The following MYO5C variants were observed in gnomAD, a reference collection of about 807,000 sequenced individuals.
MYO5C encodes the protein myosin VC, also known as unconventional myosin-Vc.
A neutral mutation model predicts 235.7 loss-of-function variants in MYO5C; 194 were observed. The observed-to-expected ratio is 0.82, with a 90% CI of 0.73 to 0.93. MYO5C has a LOEUF of 0.93. Among genes scored for constraint, MYO5C ranks in the 40% least tolerant of loss-of-function variants. MYO5C has a pLI of 0.00. For missense variants in MYO5C, 2,038 were observed against 2,127.2 expected (o/e 0.96, Z 0.82); for synonymous variants, 707 against 754.8 (o/e 0.94, Z 1.04).
At chr15:52,234,844 T>C (rs1400859053) in intron 23 of MYO5C, among the ~76,000 whole-genome samples, 1 of 152,148 alleles carries the variant, frequency 6.6e-6, no homozygotes, top group South Asian at 2.1e-4. Context: ...CCCCATCATA[T>C]CCACCATTTG....
intron 8 of MYO5C, 49 bp downstream of exon 8, chr15:52,269,704 T>G (rs761079879): frequency 3.7e-6 from 5 of 1,368,526 alleles, no homozygotes. Context: ...ATTTTTTTTT[T>G]TTTTTAAGAG....
chr15:52,221,788 T>G (rs191015477), intron 29 of MYO5C, among the ~76,000 whole-genome samples: 1 of 152,278 alleles, frequency 6.6e-6, no homozygotes, highest in East Asian at 1.9e-4. Context: ...TTTTTTTCCT[T>G]CCCCAAGTTT....
chr15:52,292,178 ATTTAC>A (rs1290663770), intron 1 of MYO5C, among the ~76,000 whole-genome samples: 1 of 152,148 alleles, frequency 6.6e-6, no homozygotes, highest in East Asian at 1.9e-4. Flanking sequence ...ATCTTCCATA[ATTTAC>A]TTAACTTTAC....
intron 4 of MYO5C, among the ~76,000 whole-genome samples, chr15:52,275,925 C>A (rs2037040016): frequency 1.3e-5 from 2 of 152,124 alleles, no homozygotes; most frequent in Admixed American, 1.3e-4. Flanking sequence ...TTTCATCCAA[C>A]CTTATTCAAA....
chr15:52,256,701 T>C lies in MYO5C; in HGVS notation c.1333A>G (p.Asn445Asp), dbSNP rs2036593871. ...TTGATGCAAAATTGTTCAAAGCTGT[T>C]CACATCAAAGGTTTCAAAACTGAAA... ...DIYGFETFDV[N>D]SFEQFCINYA... The change falls in exon 11 of 41, where the codon AAC becomes GAC. Residue 445 changes from asparagine to aspartate, a missense_variant. Asn to Asp is a conservative substitution (Grantham distance 23, BLOSUM62 1). Transcript: ENST00000261839. 1 of 1,613,258 alleles carries C rather than the reference T, an allele frequency of 6.2e-7. No homozygotes were observed. The highest frequency in any genetic ancestry group is 1.7e-5 in the Admixed American group (1 of 59,928).
At chr15:52,288,636 A>T (rs2037324998) in intron 1 of MYO5C, among the ~76,000 whole-genome samples, 2 of 152,220 alleles carry the variant, frequency 1.3e-5, no homozygotes, top group South Asian at 4.1e-4. Flanking sequence ...AAACTGGAGG[A>T]AGAGTTAACT....
intron 38 of MYO5C, among the ~76,000 whole-genome samples, chr15:52,197,105 T>G (rs2035070557): frequency 6.6e-6 from 1 of 152,158 alleles, no homozygotes; most frequent in Non-Finnish European, 1.5e-5. Context: ...GAATACAGAC[T>G]TACCATATGA....
At chr15:52,284,822 A>C (rs2037227511) in intron 1 of MYO5C, among the ~76,000 whole-genome samples, 1 of 143,702 alleles carries the variant, frequency 7.0e-6, no homozygotes, top group Non-Finnish European at 1.5e-5. Flanking sequence ...TCACTATAAA[A>C]TTCTTTTTCT....
At position 52,253,435 on chromosome 15, in the gene MYO5C, T is replaced by G; in HGVS notation, c.1418A>C (p.Glu473Ala). 6.2e-7 allele frequency: 1 copy of G among 1,613,124 alleles called. No individual in the cohort carries two copies. The highest frequency in any genetic ancestry group is 1.1e-5 in the South Asian group (1 of 90,820). ...AGGTATATCTTCCTTCATGTATTCT[T>G]CTTGTTCCAGTTTGAAGACATGCTG... ...FNMHVFKLEQ[E>A]EYMKEDIPWT... The change falls in exon 12 of 41, where the codon GAA becomes GCA. Residue 473 changes from glutamate (E) to alanine (A), a missense_variant. Coordinates refer to ENST00000261839, the MANE Select transcript of MYO5C (RefSeq NM_018728.4).
rs776537551 is a variant in MYO5C, at chr15:52,248,738, C to T, written c.1708G>A (p.Val570Ile). Reference sequence around the variant, plus strand: ...AGGATTTCAACCAGCATGTCATAGACGGTGTCTCTGTTTTTCTCCAGGAAA... The same window carrying T: ...AGGATTTCAACCAGCATGTCATAGATGGTGTCTCTGTTTTTCTCCAGGAAA... Reference protein sequence around the residue: ...EGFLEKNRDTVYDMLVEILRA... With the variant: ...EGFLEKNRDTIYDMLVEILRA... The change falls in exon 14 of 41, where the codon GTC (valine) becomes ATC (isoleucine). Residue 570 changes from valine to isoleucine, a missense_variant. Val to Ile is a conservative substitution (Grantham distance 29). Coordinates refer to ENST00000261839, the MANE Select transcript of MYO5C (RefSeq NM_018728.4). 4.3e-6 allele frequency: 7 copies of T among 1,614,136 alleles called. No individual in the cohort carries two copies. Among genetic ancestry groups the T allele is most frequent in the East Asian group, 2.2e-5 (1 of 44,884 alleles).
At position 52,192,360 on chromosome 15, in the gene MYO5C, T is replaced by C. The variant is rs2034944806; in HGVS notation, c.*1542A>G. The stretch of plus-strand genomic sequence containing the variant: ...TTTATTGATTAAAGTATTACAAAGT[T>C]CTACTTTTCATTTTTTCATGTACAA... On this transcript the variant is annotated 3_prime_UTR_variant, in exon 41 of 41. Transcript: ENST00000261839. 6.6e-6 allele frequency: 1 copy of C among 152,320 alleles called. No individual in the cohort carries two copies. The highest frequency in any genetic ancestry group is 2.4e-5 in the African/African-American group (1 of 41,580). 9.4% of individuals were successfully genotyped at this position (152,320 alleles called of 1,614,324 possible). A position where few individuals can be genotyped will look rare whatever the true frequency, so the allele number is the denominator to read the frequency against.
At chr15:52,283,891 T>C (rs1173894315) in intron 1 of MYO5C, among the ~76,000 whole-genome samples, 3 of 151,932 alleles carry the variant, frequency 2.0e-5, no homozygotes, top group African/African-American at 7.3e-5. Context: ...GTCAGGCTGG[T>C]CTCAAACTCC....
chr15:52,219,706 C>A, intron 31 of MYO5C, 53 bp downstream of exon 31: 1 of 1,416,028 alleles, frequency 7.1e-7, no homozygotes, highest in South Asian at 1.2e-5. Context: ...TCTACAGTTT[C>A]AGAAAAGCAT....
At chr15:52,226,623 A>G (rs974127202) in intron 25 of MYO5C, among the ~76,000 whole-genome samples, 11 of 152,210 alleles carry the variant, frequency 7.2e-5, no homozygotes, top group African/African-American at 2.2e-4. Context: ...TGAGGTAAGT[A>G]GAGTGATCTT....
chr15:52,240,834 C>A (rs186387708), intron 20 of MYO5C, among the ~76,000 whole-genome samples: 27 of 152,244 alleles, frequency 1.8e-4, no homozygotes, highest in Non-Finnish European at 3.4e-4. Context: ...TTTAAAGTAT[C>A]TTTGGACAAC....
chr15:52,272,788 G>C, intron 5 of MYO5C, 65 bp from the exon 6 acceptor site: 2 of 1,549,186 alleles, frequency 1.3e-6, no homozygotes, highest in East Asian at 4.5e-5. Context: ...AATTATTGGA[G>C]GGGTTTTTAG....
At chr15:52,282,714 C>T in intron 2 of MYO5C, 68 bp downstream of exon 2, 4 of 1,148,726 alleles carry the variant, frequency 3.5e-6, no homozygotes, top group Non-Finnish European at 4.0e-6. Flanking sequence ...CCACGTGCTC[C>T]CATCCTTACA....
At chr15:52,219,843 A>C (rs372715138) in intron 30 of MYO5C, 21 bp from the exon 31 acceptor site, 26 of 1,593,864 alleles carry the variant, frequency 1.6e-5, no homozygotes, top group Non-Finnish European at 2.2e-5. Flanking sequence ...AAGAACTGTC[A>C]GTACTTTGGG....
At chr15:52,242,794 T>C (rs1360258364) in intron 19 of MYO5C, 1 of 151,470 alleles carries the variant, frequency 6.6e-6, no homozygotes, top group East Asian at 2.0e-4. Flanking sequence ...TTGGGGAAAG[T>C]GGGTATGTGA....
Sources: gnomAD v4.1 joint callset for allele counts (sites outside exome capture counted in the v4.1 genomes callset) on GRCh38, gnomAD v4.1.1 for gene constraint, MANE v1.5 for transcripts, NCBI Gene and HGNC (gene_info 2026-07-23, HGNC 2026-07-21) for gene names.